PPARGC1A: variants seen among roughly 807,000 people sequenced by gnomAD.
PPARGC1A encodes the protein peroxisome proliferator-activated receptor gamma coactivator 1-alpha.
Under a neutral mutation model 88.7 loss-of-function variants are expected in PPARGC1A, and 25 were observed. That is an observed-to-expected ratio of 0.28 (90% CI 0.21 to 0.39). The LOEUF is 0.39. PPARGC1A is among the 10% of genes least tolerant of loss of function. PPARGC1A has a pLI of 1.00. For missense variants in PPARGC1A, 880 were observed against 968.7 expected (o/e 0.91, Z 1.22); for synonymous variants, 363 against 355.6 (o/e 1.02, Z -0.24).
At chr4:24,419,681 C>T in the PPARGC1A span, among the ~76,000 whole-genome samples, 1 of 152,056 alleles carries the variant, frequency 6.6e-6, no homozygotes, top group Non-Finnish European at 1.5e-5. Context: ...TATCTGCTGA[C>T]TCTTCAATTC....
chr4:24,026,678 C>T, the PPARGC1A span, among the ~76,000 whole-genome samples: 1 of 152,164 alleles, frequency 6.6e-6, no homozygotes, highest in East Asian at 1.9e-4. Flanking sequence ...CACGCCTCCA[C>T]CAAATAATCA....
At chr4:24,190,820 T>C in the PPARGC1A span, among the ~76,000 whole-genome samples, 2 of 152,146 alleles carry the variant, frequency 1.3e-5, no homozygotes, top group Non-Finnish European at 2.9e-5. Flanking sequence ...CATTCCCTTC[T>C]CAAGCTCAGC....
At chr4:23,931,281 T>C in the PPARGC1A span, among the ~76,000 whole-genome samples, 3 of 150,798 alleles carry the variant, frequency 2.0e-5, no homozygotes, top group Admixed American at 2.0e-4. Context: ...CTGGAAGAGG[T>C]AGAGAAGGAA....
chr4:24,298,326 C>T, the PPARGC1A span, among the ~76,000 whole-genome samples: 1 of 152,106 alleles, frequency 6.6e-6, no homozygotes, highest in Admixed American at 6.5e-5. Flanking sequence ...CTGGATCTGA[C>T]ACTTATTACT....
the PPARGC1A span, among the ~76,000 whole-genome samples, chr4:24,006,061 G>A: frequency 2.4e-4 from 36 of 151,806 alleles, no homozygotes; most frequent in Non-Finnish European, 4.4e-4. Flanking sequence ...GTTTTGTTTT[G>A]CTTTTTTGAG....
At chr4:24,395,611 T>G in the PPARGC1A span, among the ~76,000 whole-genome samples, 2 of 152,214 alleles carry the variant, frequency 1.3e-5, no homozygotes. Context: ...ACTGTGGAAA[T>G]AGGAAGCTGT....
the PPARGC1A span, among the ~76,000 whole-genome samples, chr4:24,336,549 ACATCACGTTTGTT>A: frequency 6.6e-6 from 1 of 152,196 alleles, no homozygotes. Context: ...ATTTTAACAA[ACATCACGTTTGTT>A]CATATATATC....
chr4:24,358,604 C>A, the PPARGC1A span, among the ~76,000 whole-genome samples: 2 of 152,244 alleles, frequency 1.3e-5, no homozygotes, highest in African/African-American at 2.4e-5. Context: ...TTATCTCTTT[C>A]CCCTTGATAA....
At chr4:24,144,634 G>C in the PPARGC1A span, among the ~76,000 whole-genome samples, 2,801 of 151,172 alleles carry the variant, frequency 0.019, 82 homozygotes, top group African/African-American at 0.065. Flanking sequence ...CCAGCGCAGA[G>C]AGGGAGCCAC....
the PPARGC1A span, among the ~76,000 whole-genome samples, chr4:24,065,578 A>G: frequency 2.6e-5 from 4 of 152,106 alleles, no homozygotes; most frequent in Admixed American, 2.0e-4. Flanking sequence ...AGGTGTCTCT[A>G]TTGAGAATGG....
chr4:24,191,079 G>A, the PPARGC1A span, among the ~76,000 whole-genome samples: 3 of 152,290 alleles, frequency 2.0e-5, no homozygotes, highest in South Asian at 2.1e-4. Context: ...GTGGACAAAA[G>A]GCAGTGCTCA....
chr4:24,336,400 A>AT, the PPARGC1A span, among the ~76,000 whole-genome samples: 1 of 152,140 alleles, frequency 6.6e-6, no homozygotes, highest in Non-Finnish European at 1.5e-5. Flanking sequence ...ACAGAACTGG[A>AT]TTTTTTTCAC....
chr4:24,298,565 T>C, the PPARGC1A span, among the ~76,000 whole-genome samples: 2 of 152,192 alleles, frequency 1.3e-5, no homozygotes, highest in South Asian at 4.1e-4. Context: ...TACTGCAGCG[T>C]AACCTACTCT....
At chr4:24,041,113 T>G in the PPARGC1A span, among the ~76,000 whole-genome samples, 1 of 152,202 alleles carries the variant, frequency 6.6e-6, no homozygotes, top group Admixed American at 6.5e-5. Context: ...CTCTATTTGC[T>G]CTTCCAGATC....
chr4:24,132,002 G>T, the PPARGC1A span, among the ~76,000 whole-genome samples: 30 of 152,192 alleles, frequency 2.0e-4, no homozygotes, highest in African/African-American at 7.0e-4. Context: ...ATGGCCTAGT[G>T]CAGGCTTTGT....
At chr4:24,024,417 C>T in the PPARGC1A span, among the ~76,000 whole-genome samples, 139 of 152,330 alleles carry the variant, frequency 9.1e-4, no homozygotes, top group Admixed American at 2.5e-3. Flanking sequence ...TCTTCCCTGG[C>T]TTACTTCACA....
At chr4:24,158,879 A>G in the PPARGC1A span, among the ~76,000 whole-genome samples, 1 of 152,276 alleles carries the variant, frequency 6.6e-6, no homozygotes, top group South Asian at 2.1e-4. Context: ...ATAACCTAGA[A>G]TATATATAAT....
chr4:24,407,023 T>C, the PPARGC1A span, among the ~76,000 whole-genome samples: 3 of 152,136 alleles, frequency 2.0e-5, no homozygotes, highest in Non-Finnish European at 4.4e-5. Context: ...GCCTTTTCTT[T>C]TTCAGCTATG....
chr4:23,991,611 A>C, the PPARGC1A span, among the ~76,000 whole-genome samples: 11 of 152,084 alleles, frequency 7.2e-5, no homozygotes, highest in Non-Finnish European at 1.0e-4. Flanking sequence ...CTTGACCTGC[A>C]TCATCTCAGC....
Sources: allele counts gnomAD v4.1 joint callset (sites outside exome capture counted in the v4.1 genomes callset), GRCh38; gene constraint gnomAD v4.1.1; transcripts MANE v1.5; gene names NCBI Gene and HGNC (gene_info 2026-07-23, HGNC 2026-07-21).